The following KBTBD3 variants were observed in gnomAD, a reference collection of about 807,000 sequenced individuals.
KBTBD3 encodes kelch repeat and BTB domain-containing protein 3.
KBTBD3 carries 38 observed loss-of-function variants against 49.6 expected under a neutral mutation model. The ratio of observed to expected loss-of-function variants is 0.77; its 90% CI spans 0.59 to 1.00. The LOEUF (loss-of-function observed/expected upper bound fraction) is 1.00. KBTBD3 is among the 50% of genes least tolerant of loss of function. The probability of loss-of-function intolerance (pLI) is 0.00; values close to 1 mark genes in which losing one functional copy is unlikely to be tolerated. For missense variants in KBTBD3, 661 were observed against 712.0 expected, an observed-to-expected ratio of 0.93 and a Z score of 0.81; for synonymous variants, 214 against 250.4, an observed-to-expected ratio of 0.85 and a Z score of 1.37.
intron 2 of KBTBD3, among the ~76,000 whole-genome samples, chr11:106,068,729 C>CT (rs1860859205): frequency 1.2e-5 from 1 of 85,548 alleles, no homozygotes; most frequent in South Asian, 4.4e-4. Flanking sequence ...AAAGACGGTA[C>CT]CCAAAACAAA....
rs1227992301 is a variant in KBTBD3, at chr11:106,066,300, T to C, written c.-12-7191A>G. 2.6e-5 allele frequency among the ~76,000 whole-genome samples: 4 copies of C among 152,196 alleles called. No homozygotes were observed. In the East Asian group the frequency reaches 5.8e-4, roughly 22 times the overall value. On this transcript the variant is annotated intron_variant, in intron 2 of 3. Coordinates refer to ENST00000531837, the MANE Select transcript of KBTBD3 (RefSeq NM_198439.3). ...TTTGTTGTTTAGTTGTTTAGTGATA[T>C]AATAAGAATGAAGGTACCGGGATTT...
rs1425908341 is a variant in KBTBD3, at chr11:106,053,836, A to G, written c.853T>C (p.Phe285Leu). 1 of 1,614,030 alleles carries G rather than the reference A, an allele frequency of 6.2e-7. No homozygotes were observed. Among genetic ancestry groups the G allele is most frequent in the East Asian group, 2.2e-5 (1 of 44,876 alleles). Residue 285 changes from phenylalanine (F) to leucine (L), a missense_variant, in exon 4 of 4, where the codon TTC (phenylalanine) becomes CTC (leucine). Coordinates refer to ENST00000531837, the MANE Select transcript of KBTBD3 (RefSeq NM_198439.3). ...IKCVQGSGGL[F>L]PDARPSTTEK... ...GTTGTGGATGGTCGAGCATCAGGGA[A>G]GAGTCCACCAGAACCTTGCACACAC...
chr11:106,068,306 C>T (rs549761938), intron 2 of KBTBD3, among the ~76,000 whole-genome samples: 48 of 152,210 alleles, frequency 3.2e-4, no homozygotes, highest in African/African-American at 1.0e-3. Flanking sequence ...TCTTTCACCA[C>T]GATGAAATCA....
chr11:106,076,182 G>A (rs1488422615), intron 2 of KBTBD3: 1 of 152,170 alleles, frequency 6.6e-6, no homozygotes, highest in African/African-American at 2.4e-5. Context: ...TCTTTACACT[G>A]TCTCTTATTG....
At chr11:106,075,458 C>T (rs1861007976) in intron 2 of KBTBD3, 1 of 152,154 alleles carries the variant, frequency 6.6e-6, no homozygotes, top group South Asian at 2.1e-4. Context: ...AAGTACTGTA[C>T]ATTCTATTTT....
At chr11:106,061,498 G>C (rs1032259551) in intron 2 of KBTBD3, among the ~76,000 whole-genome samples, 1 of 152,166 alleles carries the variant, frequency 6.6e-6, no homozygotes, top group Non-Finnish European at 1.5e-5. Context: ...GTATGTCTGT[G>C]AGAGTGTTCT....
intron 2 of KBTBD3, among the ~76,000 whole-genome samples, chr11:106,072,461 A>G (rs1860938229): frequency 6.6e-6 from 1 of 152,192 alleles, no homozygotes. Flanking sequence ...TAGTATATAA[A>G]ATAGTGTACT....
In KBTBD3 at chr11:106,053,690, T is replaced by C. The variant is rs777189008; in HGVS notation, c.999A>G (p.Pro333=). 15 of 1,613,666 alleles carry C rather than the reference T, an allele frequency of 9.3e-6. No individual in the cohort carries two copies. The highest frequency in any genetic ancestry group is 1.3e-5 in the Non-Finnish European group (15 of 1,179,926). The stretch of plus-strand genomic sequence containing the variant: ...CTCCGTAACTCGAAAGACTAGATCC[T>C]GGCAAATCAATCAGGTGTGATTGCG... ...ILPQSHLIDL[P]GSSLSSYGEK... is the part of the protein sequence containing the mutation. The change falls in exon 4 of 4, where the codon CCA becomes CCG. Residue 333 remains proline, a synonymous_variant. Transcript: ENST00000531837.
At chr11:106,070,990 G>A (rs1028672906) in intron 2 of KBTBD3, among the ~76,000 whole-genome samples, 6 of 152,084 alleles carry the variant, frequency 3.9e-5, no homozygotes, top group African/African-American at 1.4e-4. Context: ...TCCTGGTTTT[G>A]ATCTTTTACT....
intron 2 of KBTBD3, among the ~76,000 whole-genome samples, chr11:106,074,998 G>C (rs1020433239): frequency 6.6e-6 from 1 of 152,170 alleles, no homozygotes; most frequent in Non-Finnish European, 1.5e-5. Flanking sequence ...CCTAGACTTA[G>C]AGATGATCTC....
chr11:106,057,228 A>T (rs1257351785), intron 3 of KBTBD3, among the ~76,000 whole-genome samples: 1 of 152,138 alleles, frequency 6.6e-6, no homozygotes, highest in Admixed American at 6.6e-5. Flanking sequence ...TAAGGATGAG[A>T]TCTAATTAGA....
chr11:106,067,680 A>C (rs1408073293), intron 2 of KBTBD3, among the ~76,000 whole-genome samples: 1 of 152,142 alleles, frequency 6.6e-6, no homozygotes, highest in African/African-American at 2.4e-5. Flanking sequence ...ATTAAATTCT[A>C]AAAAAAGTTC....
intron 2 of KBTBD3, among the ~76,000 whole-genome samples, chr11:106,062,424 G>A (rs1042071743): frequency 6.6e-6 from 1 of 152,172 alleles, no homozygotes; most frequent in African/African-American, 2.4e-5. Flanking sequence ...AGAGCTGACA[G>A]TACAGTTTCA....
At chr11:106,073,899 T>A (rs1860972406) in intron 2 of KBTBD3, among the ~76,000 whole-genome samples, 1 of 152,212 alleles carries the variant, frequency 6.6e-6, no homozygotes, top group South Asian at 2.1e-4. Flanking sequence ...ATGACATCAT[T>A]TTTTTAAAAA....
intron 3 of KBTBD3, among the ~76,000 whole-genome samples, chr11:106,055,328 G>C (rs1185747003): frequency 6.6e-6 from 1 of 152,092 alleles, no homozygotes; most frequent in Admixed American, 6.6e-5. Flanking sequence ...ATTTGTATTT[G>C]TGCCAGTATT....
chr11:106,055,120 T>A (rs1415501163), intron 3 of KBTBD3, among the ~76,000 whole-genome samples: 2 of 152,174 alleles, frequency 1.3e-5, no homozygotes, highest in Non-Finnish European at 2.9e-5. Flanking sequence ...GAGATAGAGA[T>A]AGGCCCTCAA....
chr11:106,051,704 C>A lies in KBTBD3; in HGVS notation c.*1146G>T, dbSNP rs1395596402. On this transcript the variant is annotated 3_prime_UTR_variant, in exon 4 of 4. Transcript: ENST00000531837. ...TACCTGAGAACAATGACAACAGTAC[C>A]CTTACATTGTGTGGGTTAAAGATCA... 11 of 151,734 alleles carry A rather than the reference C, an allele frequency of 7.2e-5. No individual in the cohort carries two copies. Among genetic ancestry groups the A allele is most frequent in the Non-Finnish European group, 1.3e-4 (9 of 67,792 alleles). The allele number at this position is 151,734 out of a possible 1,614,324, so 9.4% of individuals were successfully genotyped here. A position where few individuals can be genotyped will look rare whatever the true frequency, so the allele number is the denominator to read the frequency against.
rs144296095 is a variant in KBTBD3 at position 106,052,523 on chromosome 11, C to G, written c.*327G>C. The G allele has an allele frequency of 1.9e-3, 400 of 215,018 alleles. 1 individual carries two copies. The highest frequency in any genetic ancestry group is 8.7e-3 in the African/African-American group (373 of 42,978). The allele number at this position is 215,018 out of a possible 1,614,324, so 13.3% of individuals were successfully genotyped here. A position where few individuals can be genotyped will look rare whatever the true frequency, so the allele number is the denominator to read the frequency against. On this transcript the variant is annotated 3_prime_UTR_variant, in exon 4 of 4. Transcript: ENST00000531837. ...ACAGTGTAATTCATTTTTACTCTCT[C>G]TAGAGGTTTCTCCCATCTAAACAGT...
In KBTBD3 at chr11:106,059,069, G is replaced by C; in HGVS notation, c.29C>G (p.Ala10Gly). Reference sequence around the variant, plus strand: ...ATTACATGTGCTTCGTTGATTGAAAGCATATGAATTATCCATAGCCAATTC... The same window carrying C: ...ATTACATGTGCTTCGTTGATTGAAACCATATGAATTATCCATAGCCAATTC... MELAMDNSY[A>G]FNQRSTCNGI... Residue 10 changes from alanine to glycine, a missense_variant, in exon 3 of 4, where the codon GCT (alanine) becomes GGT (glycine). Transcript: ENST00000531837. 6.4e-7 allele frequency: 1 copy of C among 1,552,192 alleles called. No homozygotes were observed. The highest frequency in any genetic ancestry group is 1.3e-5 in the South Asian group (1 of 79,434).
Sources: gnomAD v4.1 joint callset for allele counts (sites outside exome capture counted in the v4.1 genomes callset) on GRCh38, gnomAD v4.1.1 for gene constraint, MANE v1.5 for transcripts, NCBI Gene and HGNC (gene_info 2026-07-23, HGNC 2026-07-21) for gene names.